The following WNT5A variants were observed in gnomAD, a reference collection of about 807,000 sequenced individuals.
WNT5A encodes Wnt family member 5A, also known as protein Wnt-5a.
In WNT5A, 9 loss-of-function variants were observed where a neutral mutation model predicts 42.1. That is an observed-to-expected ratio of 0.21 (90% CI 0.13 to 0.37). The LOEUF (loss-of-function observed/expected upper bound fraction) is 0.37. WNT5A is among the 10% of genes least tolerant of loss of function. WNT5A has a pLI of 1.00. For synonymous variants in WNT5A, 210 were observed against 210.0 expected (o/e 1.00, Z 0.00); for missense variants, 426 against 534.0 (o/e 0.80, Z 1.99).
chr3:55,503,529 C>T, the WNT5A span, among the ~76,000 whole-genome samples: 1 of 152,314 alleles, frequency 6.6e-6, no homozygotes, highest in South Asian at 2.1e-4. Context: ...AGGGGTCAGG[C>T]AGGTTACACA....
At chr3:55,481,603 T>A (rs2051466562) in intron 1 of WNT5A, among the ~76,000 whole-genome samples, 1 of 152,140 alleles carries the variant, frequency 6.6e-6, no homozygotes, top group Non-Finnish European at 1.5e-5. Context: ...GAAAGCCACT[T>A]CCAGATGGGG....
rs1298519302 is a variant in WNT5A at position 55,479,162 on chromosome 3, T to A, written c.391+152A>T. The stretch of plus-strand genomic sequence containing the variant: ...TCAGGTGTAGGGACAGGAATTAACA[T>A]CATTTGCTATAATGACAAAAATGCC... On this transcript the variant is annotated intron_variant, in intron 3 of 4. Coordinates refer to ENST00000264634, the MANE Select transcript of WNT5A (RefSeq NM_003392.7). The A allele has an allele frequency of 2.9e-5, 22 of 765,796 alleles. No individual in the cohort carries two copies. In the East Asian group the frequency reaches 3.1e-4, roughly 11 times the overall value. 47.4% of individuals were successfully genotyped at this position (765,796 alleles called of 1,614,324 possible). A position where few individuals can be genotyped will look rare whatever the true frequency, so the allele number is the denominator to read the frequency against.
At chr3:55,482,169 G>A (rs2106965142) in intron 1 of WNT5A, among the ~76,000 whole-genome samples, 1 of 152,356 alleles carries the variant, frequency 6.6e-6, no homozygotes, top group South Asian at 2.1e-4. Flanking sequence ...TGGCTTCCGA[G>A]CCGCAGCTGG....
rs982494821 is a variant in WNT5A at position 55,480,837 on chromosome 3, A to G, written c.88T>C (p.Leu30=). The G allele has an allele frequency of 6.9e-6, 11 of 1,584,884 alleles. No individual in the cohort carries two copies. Among genetic ancestry groups the G allele is most frequent in the African/African-American group, 1.3e-5 (1 of 74,364 alleles). ...TGGGCGAAGGAGAAAAATATGGCCA[A>G]AGCCACTAGGAAGAACTTGGAAGAC... ...AMSSKFFLVA[L]AIFFSFAQVV... Residue 30 remains leucine (L), a synonymous_variant, in exon 2 of 5, where the codon TTG becomes CTG. Transcript: ENST00000264634.
the WNT5A span, among the ~76,000 whole-genome samples, chr3:55,502,746 C>T: frequency 0.35 from 53,119 of 152,098 alleles, 10,694 homozygotes; most frequent in African/African-American, 0.56. Context: ...TTGAAAACCA[C>T]GGCTACGGAT....
At chr3:55,484,369 G>A (rs959161573) in intron 1 of WNT5A, among the ~76,000 whole-genome samples, 1 of 152,158 alleles carries the variant, frequency 6.6e-6, no homozygotes, top group South Asian at 2.1e-4. Context: ...TAGGAGGTCC[G>A]CTTTAGGGGA....
At chr3:55,470,699 C>T (rs2051234181) in intron 4 of WNT5A, 149 bp from the exon 5 acceptor site, 1 of 704,016 alleles carries the variant, frequency 1.4e-6, no homozygotes, top group Non-Finnish European at 2.2e-6. Flanking sequence ...TACCAGAAGT[C>T]TTATGTTGCC....
At chr3:55,504,907 A>T in the WNT5A span, among the ~76,000 whole-genome samples, 1 of 152,182 alleles carries the variant, frequency 6.6e-6, no homozygotes, top group African/African-American at 2.4e-5. Flanking sequence ...AACCCTATAT[A>T]TTAATTTTGT....
chr3:55,503,458 A>T, the WNT5A span, among the ~76,000 whole-genome samples: 5 of 152,224 alleles, frequency 3.3e-5, no homozygotes, highest in African/African-American at 1.2e-4. Flanking sequence ...CTGGCCAAGG[A>T]TTACTTATTT....
chr3:55,503,690 C>A, the WNT5A span, among the ~76,000 whole-genome samples: 1 of 152,214 alleles, frequency 6.6e-6, no homozygotes, highest in African/African-American at 2.4e-5. Context: ...GTGGCTCATG[C>A]CTATAATCCC....
upstream of WNT5A, among the ~76,000 whole-genome samples, chr3:55,492,227 TG>T (rs1489573688): frequency 1.2e-4 from 5 of 43,036 alleles, 1 homozygote; most frequent in African/African-American, 5.5e-4. Context: ...AATGGTGCTT[TG>T]TGGCGGGGGG....
At chr3:55,488,020 C>A (rs1028092303), upstream of WNT5A, 1 of 152,244 alleles carries the variant, frequency 6.6e-6, no homozygotes, top group Non-Finnish European at 1.5e-5. Flanking sequence ...GAGTGCACCG[C>A]GGGCGCGAGG....
upstream of WNT5A, chr3:55,489,780 C>T (rs1235821198): frequency 6.6e-6 from 1 of 152,344 alleles, no homozygotes; most frequent in Admixed American, 6.5e-5. Flanking sequence ...AAACCTTGAC[C>T]ACTTCCCGAC....
upstream of WNT5A, chr3:55,488,384 C>T (rs1273897641): frequency 1.1e-4 from 16 of 148,856 alleles, no homozygotes; most frequent in Non-Finnish European, 2.2e-4. Flanking sequence ...TCTCCAGACT[C>T]CTCTTTCCCC....
chr3:55,478,973 A>G (rs1271176423), intron 3 of WNT5A: 1 of 170,596 alleles, frequency 5.9e-6, no homozygotes, highest in Non-Finnish European at 1.2e-5. Context: ...TCGACGTTTA[A>G]AAGCATATAC....
At chr3:55,479,199 C>A in intron 3 of WNT5A, 115 bp downstream of exon 3, 5 of 1,220,140 alleles carry the variant, frequency 4.1e-6, no homozygotes, top group Non-Finnish European at 5.4e-6. Context: ...AAGCCACCAC[C>A]CGAGCTGGAA....
the WNT5A span, among the ~76,000 whole-genome samples, chr3:55,502,267 T>C: frequency 6.6e-6 from 1 of 152,266 alleles, no homozygotes; most frequent in Non-Finnish European, 1.5e-5. Context: ...TTTGGTCTTG[T>C]GCTGATGGGG....
chr3:55,469,984 T>G lies in WNT5A; in HGVS notation c.*108A>C. The G allele has an allele frequency of 7.2e-7, 1 of 1,393,638 alleles. No individual in the cohort carries two copies. The highest frequency in any genetic ancestry group is 2.0e-5 in the Admixed American group (1 of 50,292). 86.3% of individuals were successfully genotyped at this position (1,393,638 alleles called of 1,614,324 possible). A position where few individuals can be genotyped will look rare whatever the true frequency, so the allele number is the denominator to read the frequency against. On this transcript the variant is annotated 3_prime_UTR_variant, in exon 5 of 5. Transcript: ENST00000264634. Reference sequence around the variant, plus strand: ...GGAAAAAAAATGGTTCCGGTTGCAATTCTTGGGGAAAAATAAAAAATATTT... The same window carrying G: ...GGAAAAAAAATGGTTCCGGTTGCAAGTCTTGGGGAAAAATAAAAAATATTT...
chr3:55,486,215 G>A (rs894559217), intron 1 of WNT5A, among the ~76,000 whole-genome samples: 5 of 152,278 alleles, frequency 3.3e-5, no homozygotes, highest in South Asian at 4.1e-4. Flanking sequence ...CCGCTCAGGG[G>A]GCCGGGGAGC....
Sources: allele counts gnomAD v4.1 joint callset (sites outside exome capture counted in the v4.1 genomes callset), GRCh38; gene constraint gnomAD v4.1.1; transcripts MANE v1.5; gene names NCBI Gene and HGNC (gene_info 2026-07-23, HGNC 2026-07-21).